SYNPO2: variants seen among roughly 807,000 people sequenced by gnomAD.
SYNPO2 encodes synaptopodin 2, also known as synaptopodin-2.
Under a neutral mutation model 85.0 loss-of-function variants are expected in SYNPO2, and 56 were observed. The ratio of observed to expected loss-of-function variants is 0.66; its 90% CI spans 0.53 to 0.82. The LOEUF (loss-of-function observed/expected upper bound fraction) is 0.82, where lower values mean the gene tolerates loss of function less well. Ranked by LOEUF, SYNPO2 falls within the 40% of genes least tolerant of loss-of-function variation. The pLI is 0.00. For synonymous variants in SYNPO2, 602 were observed against 591.1 expected (o/e 1.02, Z -0.27); for missense variants, 1,575 against 1,534.2 (o/e 1.03, Z -0.44).
At chr4:118,916,435 A>T (rs780391621) in intron 1 of SYNPO2, among the ~76,000 whole-genome samples, 5 of 151,876 alleles carry the variant, frequency 3.3e-5, no homozygotes, top group Admixed American at 6.6e-5. Context: ...AGCCTCCCAA[A>T]ATGCTGGGAC....
chr4:119,005,642 A>C (rs1737006909), intron 1 of SYNPO2, among the ~76,000 whole-genome samples: 1 of 151,068 alleles, frequency 6.6e-6, no homozygotes, highest in Non-Finnish European at 1.5e-5. Context: ...CTTGTAGTAT[A>C]GTTTGAAGTC....
intron 1 of SYNPO2, among the ~76,000 whole-genome samples, chr4:118,900,737 G>GTCTA (rs1188372176): frequency 2.5e-3 from 202 of 82,182 alleles, no homozygotes; most frequent in South Asian, 5.2e-3. Context: ...ATATATGTCT[G>GTCTA]TCTGTCTATC....
chr4:118,855,086 TG>T (rs1164717003), intron 1 of SYNPO2, among the ~76,000 whole-genome samples: 1 of 151,186 alleles, frequency 6.6e-6, no homozygotes, highest in Non-Finnish European at 1.5e-5. Flanking sequence ...CAACAATATT[TG>T]CAAACAGGAT....
chr4:118,890,375 A>G (rs1273165865), intron 1 of SYNPO2, among the ~76,000 whole-genome samples: 1 of 152,112 alleles, frequency 6.6e-6, no homozygotes, highest in Non-Finnish European at 1.5e-5. Context: ...CTGCAGTTCA[A>G]CCCATGAATT....
At chr4:119,048,220 G>T (rs748184632) in intron 4 of SYNPO2, among the ~76,000 whole-genome samples, 18 of 152,204 alleles carry the variant, frequency 1.2e-4, no homozygotes, top group Non-Finnish European at 2.6e-4. Flanking sequence ...ATATATTGAA[G>T]GTGGTGGGGA....
At chr4:118,949,109 G>A (rs1028325013) in intron 1 of SYNPO2, among the ~76,000 whole-genome samples, 1 of 152,124 alleles carries the variant, frequency 6.6e-6, no homozygotes, top group African/African-American at 2.4e-5. Flanking sequence ...TTGTCAATGG[G>A]AGTGATATGT....
At chr4:118,893,235 A>G (rs1351003551) in intron 1 of SYNPO2, among the ~76,000 whole-genome samples, 1 of 152,218 alleles carries the variant, frequency 6.6e-6, no homozygotes, top group Non-Finnish European at 1.5e-5. Context: ...GGCGATATTA[A>G]AAAATCCTTA....
At chr4:118,889,978 AT>A (rs1462099996) in intron 1 of SYNPO2, among the ~76,000 whole-genome samples, 1 of 152,240 alleles carries the variant, frequency 6.6e-6, no homozygotes, top group Non-Finnish European at 1.5e-5. Context: ...TTATCATCAA[AT>A]TGCAAATTAT....
intron 1 of SYNPO2, among the ~76,000 whole-genome samples, chr4:118,966,758 T>C (rs1054927638): frequency 2.0e-5 from 3 of 152,182 alleles, no homozygotes; most frequent in Non-Finnish European, 4.4e-5. Context: ...TATTGGGTAT[T>C]ACCTGAACAA....
intron 1 of SYNPO2, among the ~76,000 whole-genome samples, chr4:118,894,844 A>C (rs894840457): frequency 6.6e-6 from 1 of 152,078 alleles, no homozygotes; most frequent in African/African-American, 2.4e-5. Flanking sequence ...TTTTAAAAAA[A>C]AAAAAAGAAG....
intron 4 of SYNPO2, chr4:119,036,647 G>A: frequency 1.0e-6 from 1 of 985,456 alleles, no homozygotes; most frequent in Non-Finnish European, 1.2e-6. Flanking sequence ...CATCCTATGA[G>A]CGTCATGCCA....
At chr4:118,874,678 A>G (rs1731869077) in intron 1 of SYNPO2, among the ~76,000 whole-genome samples, 1 of 152,156 alleles carries the variant, frequency 6.6e-6, no homozygotes, top group South Asian at 2.1e-4. Context: ...TTACAATTCA[A>G]TGGTGGTGTG....
At chr4:118,962,595 C>A (rs939185645) in intron 1 of SYNPO2, among the ~76,000 whole-genome samples, 1 of 152,072 alleles carries the variant, frequency 6.6e-6, no homozygotes, top group Non-Finnish European at 1.5e-5. Context: ...ATTAGGAGAA[C>A]TTTGACTATT....
chr4:118,879,337 T>A (rs182357480), intron 1 of SYNPO2, among the ~76,000 whole-genome samples: 25 of 152,328 alleles, frequency 1.6e-4, no homozygotes, highest in Non-Finnish European at 3.2e-4. Context: ...TCTGGGGAAC[T>A]GAACGTTTTT....
At chr4:119,019,297 C>T (rs957016666) in intron 1 of SYNPO2, among the ~76,000 whole-genome samples, 11 of 152,186 alleles carry the variant, frequency 7.2e-5, no homozygotes, top group African/African-American at 1.9e-4. Context: ...ACCAATATCT[C>T]TTAGTTATGT....
chr4:119,051,321 C>T lies in SYNPO2; in HGVS notation c.3253-6080C>T, dbSNP rs867136249. On this transcript the variant is annotated intron_variant, in intron 4 of 4. Transcript: ENST00000307142. ...TCTCCTGCCTCAGCCTCCCGAGTAGCTGGGACTACAAGCGCCCGCCACTAC... is the reference window on the plus strand; with the variant it reads ...TCTCCTGCCTCAGCCTCCCGAGTAGTTGGGACTACAAGCGCCCGCCACTAC... 2.9e-3 allele frequency among the ~76,000 whole-genome samples: 421 copies of T among 144,356 alleles called. 9 individuals are homozygous for T. Among genetic ancestry groups the T allele is most frequent in the African/African-American group, 9.8e-3 (381 of 39,016 alleles). The allele number at this position is 144,356 out of a possible 152,430, so 94.7% of individuals were successfully genotyped here.
chr4:118,957,872 A>G (rs1734934203), intron 1 of SYNPO2, among the ~76,000 whole-genome samples: 1 of 152,184 alleles, frequency 6.6e-6, no homozygotes, highest in South Asian at 2.1e-4. Context: ...CAACGTGAAA[A>G]GGTCACAGAG....
At chr4:118,909,744 G>A (rs1386783402) in intron 1 of SYNPO2, among the ~76,000 whole-genome samples, 1 of 152,216 alleles carries the variant, frequency 6.6e-6, no homozygotes, top group East Asian at 1.9e-4. Context: ...TCTTGAGCCA[G>A]CAAACTTGCA....
At chr4:118,948,318 G>A (rs1219523334) in intron 1 of SYNPO2, among the ~76,000 whole-genome samples, 1 of 152,150 alleles carries the variant, frequency 6.6e-6, no homozygotes, top group Non-Finnish European at 1.5e-5. Context: ...AGGAAGAAAA[G>A]AAGCAGACAC....
Sources: allele counts gnomAD v4.1 joint callset (sites outside exome capture counted in the v4.1 genomes callset), GRCh38; gene constraint gnomAD v4.1.1; transcripts MANE v1.5; gene names NCBI Gene and HGNC (gene_info 2026-07-23, HGNC 2026-07-21).